IGF1R: variants seen among roughly 807,000 people sequenced by gnomAD.
IGF1R encodes insulin-like growth factor 1 receptor.
A neutral mutation model predicts 144.6 loss-of-function variants in IGF1R; 44 were observed. The ratio of observed to expected loss-of-function variants is 0.30; its 90% CI spans 0.24 to 0.39. IGF1R has a LOEUF of 0.39. Among genes scored for constraint, IGF1R ranks in the 10% least tolerant of loss-of-function variants. IGF1R has a pLI of 1.00. For synonymous variants in IGF1R, 795 were observed against 722.8 expected, an observed-to-expected ratio of 1.10 and a Z score of -1.60; for missense variants, 1,355 against 1,833.7, an observed-to-expected ratio of 0.74 and a Z score of 4.77.
Position 98,832,372 on chromosome 15 carries a change from G to T in IGF1R, c.641-58953G>T, listed in dbSNP as rs901870509. ...ACAGGGTCCCCAGCATATTCCAGGAGCTCATTATGTTTTTAAATGAATGAC... is the reference window on the plus strand; with the variant it reads ...ACAGGGTCCCCAGCATATTCCAGGATCTCATTATGTTTTTAAATGAATGAC... On this transcript the variant is annotated intron_variant, in intron 2 of 20. Coordinates refer to ENST00000650285, the MANE Select transcript of IGF1R (RefSeq NM_000875.5). 4.6e-5 allele frequency among the ~76,000 whole-genome samples: 7 copies of T among 152,120 alleles called. No individual in the cohort carries two copies. The East Asian group carries it at 1.3e-3, about 29-fold the overall frequency.
chr15:98,681,920 T>A (rs1219591655), intron 1 of IGF1R, among the ~76,000 whole-genome samples: 1 of 152,136 alleles, frequency 6.6e-6, no homozygotes, highest in East Asian at 1.9e-4. Flanking sequence ...ATGATTTCTG[T>A]TGGGTCATGT....
intron 2 of IGF1R, among the ~76,000 whole-genome samples, chr15:98,717,683 C>T (rs762317641): frequency 1.1e-4 from 17 of 152,194 alleles, no homozygotes; most frequent in Non-Finnish European, 2.4e-4. Context: ...ATTTTGTTTG[C>T]AAGTTTGGTA....
intron 2 of IGF1R, among the ~76,000 whole-genome samples, chr15:98,887,330 T>C (rs375873253): frequency 1.3e-5 from 2 of 150,534 alleles, no homozygotes; most frequent in African/African-American, 4.9e-5. Flanking sequence ...TTTTTTTTTT[T>C]CTTTTCTTTC....
At chr15:98,854,396 G>A (rs2011676894) in intron 2 of IGF1R, among the ~76,000 whole-genome samples, 1 of 152,180 alleles carries the variant, frequency 6.6e-6, no homozygotes, top group South Asian at 2.1e-4. Flanking sequence ...TCAGTGAAGT[G>A]CCTTAGGGAT....
chr15:98,822,016 A>G (rs1355984137), intron 2 of IGF1R, among the ~76,000 whole-genome samples: 1 of 152,226 alleles, frequency 6.6e-6, no homozygotes, highest in African/African-American at 2.4e-5. Flanking sequence ...AATATGAGCT[A>G]CTCTGTAAAT....
intron 2 of IGF1R, among the ~76,000 whole-genome samples, chr15:98,736,609 T>C (rs901688126): frequency 3.4e-5 from 5 of 148,590 alleles, no homozygotes; most frequent in African/African-American, 5.1e-5. Flanking sequence ...TTTTCTTTTT[T>C]CTTTTTTCTT....
rs74034279 is a variant in IGF1R at position 98,887,748 on chromosome 15, G to A, written c.641-3577G>A. Among the ~76,000 whole-genome samples, 1,474 of 152,274 alleles carry A rather than the reference G, an allele frequency of 9.7e-3. 20 individuals are homozygous for A. The highest frequency in any genetic ancestry group is 0.033 in the African/African-American group (1,354 of 41,552). ...GAACCTCACAGATCCATTATACGAC[G>A]TGAATTTTGTGGGAATAACATAGGC... On this transcript the variant is annotated intron_variant, in intron 2 of 20. Coordinates refer to ENST00000650285, the MANE Select transcript of IGF1R (RefSeq NM_000875.5).
intron 8 of IGF1R, among the ~76,000 whole-genome samples, chr15:98,915,681 C>T (rs2015213753): frequency 6.6e-6 from 1 of 152,208 alleles, no homozygotes; most frequent in African/African-American, 2.4e-5. Context: ...CACATTGTCT[C>T]TTCTAACCCT....
At chr15:98,788,491 G>A (rs2056058324) in intron 2 of IGF1R, among the ~76,000 whole-genome samples, 2 of 152,208 alleles carry the variant, frequency 1.3e-5, no homozygotes, top group Non-Finnish European at 2.9e-5. Flanking sequence ...AACAATTAGT[G>A]TCTGTTTACA....
chr15:98,873,092 G>C (rs888175720), intron 2 of IGF1R, among the ~76,000 whole-genome samples: 1 of 152,156 alleles, frequency 6.6e-6, no homozygotes. Flanking sequence ...CACTTCAGGG[G>C]ATGTGCACCC....
intron 2 of IGF1R, among the ~76,000 whole-genome samples, chr15:98,765,965 G>A (rs1473324824): frequency 1.3e-5 from 2 of 152,192 alleles, no homozygotes; most frequent in Non-Finnish European, 2.9e-5. Context: ...CTGGTTCTGT[G>A]CAGTGGCAGT....
At chr15:98,790,756 C>G (rs1361112019) in intron 2 of IGF1R, among the ~76,000 whole-genome samples, 2 of 152,198 alleles carry the variant, frequency 1.3e-5, no homozygotes, top group Non-Finnish European at 2.9e-5. Flanking sequence ...CTTCTACTGT[C>G]TTACAAAATT....
At chr15:98,846,177 T>C (rs1159748280) in intron 2 of IGF1R, among the ~76,000 whole-genome samples, 4 of 152,246 alleles carry the variant, frequency 2.6e-5, no homozygotes, top group Admixed American at 2.6e-4. Flanking sequence ...GCTTATAAAA[T>C]TTTAAAATTA....
At chr15:98,651,933 C>G (rs2311766) in intron 1 of IGF1R, among the ~76,000 whole-genome samples, 51,551 of 152,100 alleles carry the variant, frequency 0.34, 9,492 homozygotes, top group Non-Finnish European at 0.4. Flanking sequence ...AGTTTTTAGC[C>G]GGGAAGGTGC....
intron 1 of IGF1R, among the ~76,000 whole-genome samples, chr15:98,695,012 ATGT>A (rs1266187803): frequency 6.6e-6 from 1 of 152,204 alleles, no homozygotes; most frequent in African/African-American, 2.4e-5. Flanking sequence ...TCTAAGGAAA[ATGT>A]TGTATGTGCA....
chr15:98,657,088 AGTC>A (rs2052503675), intron 1 of IGF1R, among the ~76,000 whole-genome samples: 1 of 152,230 alleles, frequency 6.6e-6, no homozygotes, highest in Non-Finnish European at 1.5e-5. Context: ...TAAAAAATAT[AGTC>A]GTGGTTAGTC....
intron 1 of IGF1R, among the ~76,000 whole-genome samples, chr15:98,679,835 A>G (rs1434300599): frequency 6.6e-6 from 1 of 152,194 alleles, no homozygotes; most frequent in African/African-American, 2.4e-5. Flanking sequence ...GTAGACTTCC[A>G]GTGGGACAGG....
chr15:98,807,813 A>G (rs1446443862), intron 2 of IGF1R, among the ~76,000 whole-genome samples: 1 of 152,238 alleles, frequency 6.6e-6, no homozygotes, highest in Admixed American at 6.5e-5. Context: ...CCTTCTTTCA[A>G]GCAGTCGGAT....
chr15:98,862,230 G>T (rs1031930657), intron 2 of IGF1R, among the ~76,000 whole-genome samples: 4 of 152,182 alleles, frequency 2.6e-5, no homozygotes, highest in Non-Finnish European at 4.4e-5. Context: ...GATAGAGCAG[G>T]GTATATGGGC....
Sources: gnomAD v4.1 joint callset for allele counts (sites outside exome capture counted in the v4.1 genomes callset) on GRCh38, gnomAD v4.1.1 for gene constraint, MANE v1.5 for transcripts, NCBI Gene and HGNC (gene_info 2026-07-23, HGNC 2026-07-21) for gene names.